KCNQ5: variants seen among roughly 807,000 people sequenced by gnomAD.
KCNQ5 encodes the protein potassium voltage-gated channel subfamily KQT member 5.
KCNQ5 carries 30 observed loss-of-function variants against 98.2 expected under a neutral mutation model. The observed-to-expected ratio is 0.31, with a 90% CI of 0.23 to 0.41. KCNQ5 has a LOEUF of 0.41. KCNQ5 is among the 10% of genes least tolerant of loss of function. The pLI is 1.00. For missense variants in KCNQ5, 835 were observed against 1,182.5 expected, an observed-to-expected ratio of 0.71 and a Z score of 4.31; for synonymous variants, 458 against 449.4, an observed-to-expected ratio of 1.02 and a Z score of -0.24.
At chr6:72,632,535 G>A (rs2098921597) in intron 1 of KCNQ5, among the ~76,000 whole-genome samples, 1 of 152,084 alleles carries the variant, frequency 6.6e-6, no homozygotes, top group African/African-American at 2.4e-5. Context: ...TCCAGGTAGT[G>A]AGCATAGTAC....
chr6:72,769,917 A>AT (rs1320406212), intron 1 of KCNQ5, among the ~76,000 whole-genome samples: 1 of 152,098 alleles, frequency 6.6e-6, no homozygotes, highest in Non-Finnish European at 1.5e-5. Flanking sequence ...ACTAAGAACT[A>AT]TTTTTAGGCA....
intron 1 of KCNQ5, among the ~76,000 whole-genome samples, chr6:72,889,283 T>C (rs1419032854): frequency 1.3e-5 from 2 of 152,120 alleles, no homozygotes; most frequent in Non-Finnish European, 2.9e-5. Context: ...AGGAAGTCAC[T>C]GTGGCTGGAA....
At chr6:73,002,838 A>G (rs1769645867) in intron 1 of KCNQ5, among the ~76,000 whole-genome samples, 1 of 152,214 alleles carries the variant, frequency 6.6e-6, no homozygotes, top group Non-Finnish European at 1.5e-5. Context: ...AGGCATAATT[A>G]GGCAAACTCT....
intron 9 of KCNQ5, among the ~76,000 whole-genome samples, chr6:73,126,388 A>G (rs557241418): frequency 6.6e-6 from 1 of 152,356 alleles, no homozygotes; most frequent in African/African-American, 2.4e-5. Context: ...GGGCTGGCAC[A>G]ATGATATTGT....
At chr6:72,628,421 A>G (rs1163907235) in intron 1 of KCNQ5, among the ~76,000 whole-genome samples, 1 of 152,180 alleles carries the variant, frequency 6.6e-6, no homozygotes, top group East Asian at 1.9e-4. Context: ...ATGGTGGAGG[A>G]TACTGTAGAG....
chr6:72,723,180 C>G (rs6924191), intron 1 of KCNQ5, among the ~76,000 whole-genome samples: 41,544 of 151,880 alleles, frequency 0.27, 6,668 homozygotes, highest in African/African-American at 0.44. Context: ...TTTTATTTCA[C>G]TTCTAGCTTT....
intron 11 of KCNQ5, among the ~76,000 whole-genome samples, chr6:73,179,666 A>G (rs1018094637): frequency 1.3e-5 from 2 of 151,608 alleles, no homozygotes; most frequent in Non-Finnish European, 2.9e-5. Context: ...TAAGATCTGC[A>G]ATCACAAGGG....
chr6:72,692,810 G>A (rs1242745411), intron 1 of KCNQ5, among the ~76,000 whole-genome samples: 1 of 152,168 alleles, frequency 6.6e-6, no homozygotes, highest in Non-Finnish European at 1.5e-5. Flanking sequence ...AGGAGGGCTA[G>A]TGAGGCCCTG....
At chr6:72,913,370 C>CTTACTACGTAGTGG (rs1309797454) in intron 1 of KCNQ5, among the ~76,000 whole-genome samples, 3 of 151,900 alleles carry the variant, frequency 2.0e-5, no homozygotes, top group Admixed American at 2.0e-4. Flanking sequence ...GTAAGTGGCA[C>CTTACTACGTAGTGG]CATGTCAACG....
intron 1 of KCNQ5, among the ~76,000 whole-genome samples, chr6:72,974,898 G>C (rs531108267): frequency 6.6e-6 from 1 of 151,814 alleles, no homozygotes; most frequent in African/African-American, 2.4e-5. Context: ...CGGCACACCC[G>C]GCTAATTTTT....
At chr6:73,082,749 G>A (rs1487534604) in intron 5 of KCNQ5, among the ~76,000 whole-genome samples, 1 of 152,066 alleles carries the variant, frequency 6.6e-6, no homozygotes, top group Admixed American at 6.6e-5. Context: ...TCACTGACTG[G>A]CCAGATTAAC....
intron 1 of KCNQ5, among the ~76,000 whole-genome samples, chr6:72,966,961 A>T (rs1346184328): frequency 6.6e-6 from 1 of 152,224 alleles, no homozygotes; most frequent in African/African-American, 2.4e-5. Context: ...GAGTTTTTAA[A>T]ATATATCTTA....
intron 1 of KCNQ5, among the ~76,000 whole-genome samples, chr6:72,970,298 A>G (rs934804084): frequency 6.6e-6 from 1 of 152,112 alleles, no homozygotes; most frequent in Non-Finnish European, 1.5e-5. Flanking sequence ...CTAGTCCCCC[A>G]TAATTCAAAC....
Position 73,133,507 on chromosome 6 carries a change from G to C in KCNQ5, c.1334G>C (p.Arg445Thr). 6.2e-7 allele frequency: 1 copy of C among 1,614,190 alleles called. No homozygotes were observed. Among genetic ancestry groups the C allele is most frequent in the Non-Finnish European group, 8.5e-7 (1 of 1,180,036 alleles). The change falls in exon 10 of 14, where the codon AGG becomes ACG. Residue 445 changes from arginine to threonine, a missense_variant. Coordinates refer to ENST00000370398, the MANE Select transcript of KCNQ5 (RefSeq NM_019842.4). ...IKSRQASVGD[R>T]RSPSTDITAE... The stretch of plus-strand genomic sequence containing the variant: ...AGCCGACAAGCCTCAGTAGGTGACA[G>C]GAGGTCCCCAAGCACCGACATCACA...
chr6:73,055,748 G>A lies in KCNQ5; in HGVS notation c.616+13686G>A, dbSNP rs1038843022. 1.4e-4 allele frequency: 150 copies of A among 1,037,638 alleles called. 9 individuals carry two copies. The highest frequency in any genetic ancestry group is 1.7e-5 in the Admixed American group (1 of 58,130). 64.3% of individuals were successfully genotyped at this position (1,037,638 alleles called of 1,614,324 possible). A position where few individuals can be genotyped will look rare whatever the true frequency, so the allele number is the denominator to read the frequency against. Reference sequence around the variant, plus strand: ...TGGCATTCTCATTGTCTATGAATTGGACAAGAACTTGAAGCCCATCAAGCC... The same window carrying A: ...TGGCATTCTCATTGTCTATGAATTGAACAAGAACTTGAAGCCCATCAAGCC... On this transcript the variant is annotated intron_variant, in intron 3 of 13. Coordinates refer to ENST00000370398, the MANE Select transcript of KCNQ5 (RefSeq NM_019842.4).
At chr6:73,077,186 A>T in intron 3 of KCNQ5, 136 bp from the exon 4 acceptor site, 2 of 797,160 alleles carry the variant, frequency 2.5e-6, no homozygotes, top group Non-Finnish European at 4.0e-6. Flanking sequence ...GCCAAGTGGC[A>T]CTAGGTGCAG....
intron 2 of KCNQ5, among the ~76,000 whole-genome samples, chr6:73,036,216 C>A (rs1771416999): frequency 6.6e-6 from 1 of 151,790 alleles, no homozygotes; most frequent in African/African-American, 2.4e-5. Context: ...GAAACCACGT[C>A]TCTACTAAAA....
chr6:72,956,880 T>C (rs1212386479), intron 1 of KCNQ5, among the ~76,000 whole-genome samples: 1 of 152,034 alleles, frequency 6.6e-6, no homozygotes, highest in Non-Finnish European at 1.5e-5. Context: ...ACCACTGGTT[T>C]AAGTTATGTT....
intron 7 of KCNQ5, among the ~76,000 whole-genome samples, chr6:73,111,645 T>C (rs915643815): frequency 6.6e-6 from 1 of 152,224 alleles, no homozygotes; most frequent in Non-Finnish European, 1.5e-5. Context: ...TAAGTAACCA[T>C]GTCAGCAAGG....
Sources: gnomAD v4.1 joint callset for allele counts (sites outside exome capture counted in the v4.1 genomes callset) on GRCh38, gnomAD v4.1.1 for gene constraint, MANE v1.5 for transcripts, NCBI Gene and HGNC (gene_info 2026-07-23, HGNC 2026-07-21) for gene names.